Variants in NAA11 observed in about 807,000 individuals in gnomAD.
NAA11 encodes N-alpha-acetyltransferase 11.
Under a neutral mutation model 16.1 loss-of-function variants are expected in NAA11, and 15 were observed. The ratio of observed to expected loss-of-function variants is 0.93; its 90% CI spans 0.62 to 1.44. The LOEUF (loss-of-function observed/expected upper bound fraction) is 1.44, where lower values mean the gene tolerates loss of function less well. Ranked by LOEUF, NAA11 falls within the 40% of genes most tolerant of loss-of-function variation. NAA11 has a pLI of 0.00. For synonymous variants in NAA11, 122 were observed against 112.4 expected (o/e 1.09, Z -0.54); for missense variants, 298 against 291.3 (o/e 1.02, Z -0.17).
the NAA11 span, among the ~76,000 whole-genome samples, chr4:79,156,443 TCTGCAGGATGGAC>T: frequency 1.3e-5 from 2 of 152,142 alleles, no homozygotes; most frequent in Non-Finnish European, 2.9e-5. Context: ...AAGTCTAAAA[TCTGCAGGATGGAC>T]CAGCAGGCTG....
At chr4:79,212,435 G>A in the NAA11 span, among the ~76,000 whole-genome samples, 1 of 152,028 alleles carries the variant, frequency 6.6e-6, no homozygotes, top group Non-Finnish European at 1.5e-5. Context: ...ATTGCTAAGT[G>A]AGCACTCAAG....
intron 2 of NAA11, among the ~76,000 whole-genome samples, chr4:79,240,037 C>T (rs1721656162): frequency 6.6e-6 from 1 of 152,174 alleles, no homozygotes; most frequent in Non-Finnish European, 1.5e-5. Flanking sequence ...AGATTAATTA[C>T]ATTGGATGTC....
chr4:79,222,539 C>T (rs1271308673), downstream of NAA11, among the ~76,000 whole-genome samples: 2 of 150,226 alleles, frequency 1.3e-5, no homozygotes, highest in East Asian at 3.9e-4. Context: ...ACCATAAAAA[C>T]CCTAGAAGAA....
chr4:79,179,548 G>C, the NAA11 span, among the ~76,000 whole-genome samples: 1 of 152,150 alleles, frequency 6.6e-6, no homozygotes, highest in East Asian at 1.9e-4. Context: ...CAAAGTTACT[G>C]TTTACTATTC....
chr4:79,256,524 A>G (rs1483181568), intron 2 of NAA11, among the ~76,000 whole-genome samples: 3 of 151,874 alleles, frequency 2.0e-5, no homozygotes, highest in Non-Finnish European at 4.4e-5. Context: ...AGTAGAAAAC[A>G]TAAAATTCAC....
At chr4:79,194,863 A>T in the NAA11 span, among the ~76,000 whole-genome samples, 1 of 152,082 alleles carries the variant, frequency 6.6e-6, no homozygotes, top group African/African-American at 2.4e-5. Flanking sequence ...AAAAACTAAG[A>T]CATATAGTAG....
At chr4:79,208,925 CAAAAAAAA>C in the NAA11 span, among the ~76,000 whole-genome samples, 74 of 53,988 alleles carry the variant, frequency 1.4e-3, 4 homozygotes, top group East Asian at 0.015. Context: ...ATATAACTGC[CAAAAAAAA>C]AAAAAAAAAA....
the NAA11 span, among the ~76,000 whole-genome samples, chr4:79,160,271 C>T: frequency 6.6e-6 from 1 of 152,208 alleles, no homozygotes; most frequent in African/African-American, 2.4e-5. Flanking sequence ...GGATTACAGG[C>T]ATGAGCCACC....
intron 2 of NAA11, among the ~76,000 whole-genome samples, chr4:79,292,185 G>C (rs1223165547): frequency 6.6e-6 from 1 of 152,102 alleles, no homozygotes; most frequent in Non-Finnish European, 1.5e-5. Flanking sequence ...ACCCACTACT[G>C]TTTCTCTTTG....
intron 1 of NAA11, among the ~76,000 whole-genome samples, chr4:79,296,365 T>C (rs1042734022): frequency 1.8e-4 from 27 of 152,244 alleles, no homozygotes; most frequent in Non-Finnish European, 3.8e-4. Flanking sequence ...CAATAAGCCA[T>C]TCTTGACAGA....
chr4:79,294,623 T>C (rs1472586980), intron 1 of NAA11, among the ~76,000 whole-genome samples: 1 of 152,214 alleles, frequency 6.6e-6, no homozygotes, highest in Admixed American at 6.5e-5. Context: ...TTTATTTCTA[T>C]CTGGTGGCTT....
intron 1 of NAA11, among the ~76,000 whole-genome samples, chr4:79,300,749 C>A (rs1340034773): frequency 1.3e-5 from 2 of 151,978 alleles, no homozygotes; most frequent in Admixed American, 6.5e-5. Context: ...GCATTGGGAT[C>A]CTCTAAAAGG....
At chr4:79,224,808 T>C (rs1417577072), downstream of NAA11, among the ~76,000 whole-genome samples, 1 of 152,096 alleles carries the variant, frequency 6.6e-6, no homozygotes, top group East Asian at 1.9e-4. Context: ...GTTGCTAGTA[T>C]AGGATGAAAA....
At chr4:79,255,099 A>G (rs72870815) in intron 2 of NAA11, among the ~76,000 whole-genome samples, 16,760 of 152,188 alleles carry the variant, frequency 0.11, 1,149 homozygotes, top group African/African-American at 0.18. Context: ...TCATTTATAG[A>G]AATTTCAAAG....
chr4:79,237,723 C>T (rs929686427), intron 2 of NAA11, among the ~76,000 whole-genome samples: 1 of 152,074 alleles, frequency 6.6e-6, no homozygotes, highest in Non-Finnish European at 1.5e-5. Context: ...TAAACATTGA[C>T]GAAAAGCTGT....
chr4:79,230,371 A>T (rs1201753613), intron 2 of NAA11, among the ~76,000 whole-genome samples: 2 of 151,940 alleles, frequency 1.3e-5, no homozygotes, highest in South Asian at 4.1e-4. Context: ...ACATGTATAC[A>T]TATGTAACTA....
the NAA11 span, among the ~76,000 whole-genome samples, chr4:79,171,854 G>A: frequency 6.6e-6 from 1 of 152,126 alleles, no homozygotes; most frequent in Non-Finnish European, 1.5e-5. Flanking sequence ...TACCCAAAAT[G>A]AATCACAAAA....
chr4:79,315,952 A>G (rs1197081942), downstream of NAA11, among the ~76,000 whole-genome samples: 1 of 152,226 alleles, frequency 6.6e-6, no homozygotes, highest in Non-Finnish European at 1.5e-5. Flanking sequence ...TATAATGATA[A>G]CAAAGAAATG....
downstream of NAA11, among the ~76,000 whole-genome samples, chr4:79,223,238 A>G (rs1404576644): frequency 1.3e-5 from 2 of 148,634 alleles, no homozygotes; most frequent in Non-Finnish European, 3.0e-5. Context: ...AAGACTTGGA[A>G]CCAACCCAAA....
Sources: gnomAD v4.1 joint callset for allele counts (sites outside exome capture counted in the v4.1 genomes callset) on GRCh38, gnomAD v4.1.1 for gene constraint, MANE v1.5 for transcripts, NCBI Gene and HGNC (gene_info 2026-07-23, HGNC 2026-07-21) for gene names.